The following GMEB2 variants were observed in gnomAD, a reference collection of about 807,000 sequenced individuals.
GMEB2 encodes glucocorticoid modulatory element-binding protein 2.
A neutral mutation model predicts 45.7 loss-of-function variants in GMEB2; 7 were observed. The observed-to-expected ratio is 0.15, with a 90% CI of 0.09 to 0.29. GMEB2 has a LOEUF of 0.29. Among genes scored for constraint, GMEB2 ranks in the 10% least tolerant of loss-of-function variants. The pLI is 1.00. For synonymous variants in GMEB2, 322 were observed against 323.6 expected (o/e 1.00, Z 0.05); for missense variants, 582 against 739.2 (o/e 0.79, Z 2.47).
rs551655648 is a variant in GMEB2, at chr20:63,590,160, C to T, written c.1522G>A (p.Ala508Thr). ...GCCGTGTGCTCCTCAGGCCCGGGGG[C>T]AGCCCCTGCGGGCACTGTCACAATT... The part of the protein sequence containing the change: ...STIVTVPAGA[A>T]PGPEEHTATI... Residue 508 changes from alanine (A) to threonine (T), a missense_variant, in exon 10 of 10, where the codon GCC becomes ACC. By Grantham distance (58) the Ala-to-Thr change is moderately conservative. This residue lies in a region of GMEB2 where 462 missense variants were observed against 586.7 expected (regional missense o/e 0.79). Transcript: ENST00000370077. 17 of 1,582,194 alleles carry T rather than the reference C, an allele frequency of 1.1e-5. No individual in the cohort carries two copies. In the African/African-American group the frequency reaches 1.6e-4, roughly 15 times the overall value.
intron 4 of GMEB2, among the ~76,000 whole-genome samples, chr20:63,600,835 T>C (rs1252225585): frequency 6.6e-6 from 1 of 151,800 alleles, no homozygotes; most frequent in Non-Finnish European, 1.5e-5. Flanking sequence ...TCTCCATGAG[T>C]GTCTGCTGTT....
At chr20:63,622,563 A>G (rs191642545) in intron 1 of GMEB2, among the ~76,000 whole-genome samples, 2 of 152,214 alleles carry the variant, frequency 1.3e-5, no homozygotes, top group East Asian at 1.9e-4. Flanking sequence ...CCTCCATTCC[A>G]CAGGCTGTCT....
At chr20:63,599,174 C>G (rs926555119) in intron 4 of GMEB2, among the ~76,000 whole-genome samples, 1 of 151,894 alleles carries the variant, frequency 6.6e-6, no homozygotes, top group Admixed American at 6.6e-5. Flanking sequence ...AGCGCTAACG[C>G]GGCCCGCTCC....
At chr20:63,623,520 C>T (rs373124470) in intron 1 of GMEB2, among the ~76,000 whole-genome samples, 43 of 152,242 alleles carry the variant, frequency 2.8e-4, no homozygotes, top group Middle Eastern at 3.4e-3. Flanking sequence ...CACTTTAGGC[C>T]GGGCGCGGTG....
intron 4 of GMEB2, among the ~76,000 whole-genome samples, chr20:63,598,225 A>G (rs1315209789): frequency 1.3e-5 from 2 of 152,162 alleles, no homozygotes; most frequent in Non-Finnish European, 2.9e-5. Context: ...TGCATACGTT[A>G]CATCGCAGAT....
At chr20:63,601,159 G>A (rs1473002874) in intron 4 of GMEB2, among the ~76,000 whole-genome samples, 5 of 152,152 alleles carry the variant, frequency 3.3e-5, no homozygotes, top group Non-Finnish European at 5.9e-5. Flanking sequence ...ATGGAGATAG[G>A]TATATAGACT....
In GMEB2 at chr20:63,590,622, G is replaced by T. The variant is rs1337519754; in HGVS notation, c.1060C>A (p.Pro354Thr). 6.3e-7 allele frequency: 1 copy of T among 1,591,356 alleles called. No homozygotes were observed. Among genetic ancestry groups the T allele is most frequent in the Non-Finnish European group, 8.6e-7 (1 of 1,167,410 alleles). Residue 354 changes from proline (P) to threonine (T), a missense_variant, in exon 10 of 10, where the codon CCG becomes ACG. Around this residue, in one of 3 missense-constraint regions of GMEB2, gnomAD observed 462 missense variants for 586.7 expected, o/e 0.79. Coordinates refer to ENST00000370077, the MANE Select transcript of GMEB2 (RefSeq NM_012384.5). Reference protein sequence around the residue: ...LMTLTPVSLPPPVKRPRLARA... With the variant: ...LMTLTPVSLPTPVKRPRLARA... ...GCAAGCCGGGGCCGCTTCACAGGCG[G>T]TGGCAGGGAGACCGGCGTCAGCGTC...
At chr20:63,601,937 G>A (rs948416243) in intron 4 of GMEB2, among the ~76,000 whole-genome samples, 5 of 151,384 alleles carry the variant, frequency 3.3e-5, no homozygotes, top group Non-Finnish European at 5.9e-5. Context: ...TGTGCTGCCT[G>A]TGGCTTCTGT....
rs547782911 is a variant in GMEB2, at chr20:63,597,974, G to A, written c.358-114C>T. ...CAAGGCAGGAAAAGCGCCACGGCAC[G>A]GCTCTGACCGGTGCAGGCCTCCTAC... On this transcript the variant is annotated intron_variant, in intron 4 of 9. Coordinates refer to ENST00000370077, the MANE Select transcript of GMEB2 (RefSeq NM_012384.5). 430 of 701,398 alleles carry A rather than the reference G, an allele frequency of 6.1e-4. 3 individuals are homozygous for A. In the Middle Eastern group the frequency reaches 6.9e-3, roughly 11 times the overall value. The allele number at this position is 701,398 out of a possible 1,614,324, so 43.4% of individuals were successfully genotyped here.
chr20:63,588,431 C>T lies in GMEB2; in HGVS notation c.*1658G>A. 4.6e-6 allele frequency: 1 copy of T among 219,178 alleles called. No homozygotes were observed. Among genetic ancestry groups the T allele is most frequent in the African/African-American group, 2.3e-5 (1 of 44,126 alleles). The allele number at this position is 219,178 out of a possible 1,614,324, so 13.6% of individuals were successfully genotyped here. A position where few individuals can be genotyped will look rare whatever the true frequency, so the allele number is the denominator to read the frequency against. ...CGTAGGGTCATACCGCTGCATGCTG[C>T]AGAACTCAACTAGAGTGGAAATGAG... On this transcript the variant is annotated 3_prime_UTR_variant, in exon 10 of 10. Coordinates refer to ENST00000370077, the MANE Select transcript of GMEB2 (RefSeq NM_012384.5).
intron 2 of GMEB2, among the ~76,000 whole-genome samples, chr20:63,613,699 G>C (rs1344800369): frequency 6.6e-6 from 1 of 152,018 alleles, no homozygotes; most frequent in Non-Finnish European, 1.5e-5. Context: ...ACTTTTAGTA[G>C]AGACGGGGTT....
chr20:63,604,794 CT>C lies in GMEB2; in HGVS notation c.177del (p.Ala60GlnfsTer17). On this transcript the variant is annotated frameshift_variant, in exon 3 of 10. Transcript: ENST00000370077. LOFTEE classifies it high-confidence loss of function. Reference sequence around the variant, plus strand: ...GAGGCTGTGAAGGCCGCGGCAGCTGCTGCCGCTGCATTTTCTGTCTCCATGT... The same window carrying C: ...GAGGCTGTGAAGGCCGCGGCAGCTGCGCCGCTGCATTTTCTGTCTCCATGT... The part of the protein sequence containing the change: ...EDNMETENAA[A>X]AAAAAFTASS... The C allele has an allele frequency of 6.2e-7, 1 of 1,612,840 alleles. No homozygotes were observed. Among genetic ancestry groups the C allele is most frequent in the African/African-American group, 1.3e-5 (1 of 75,048 alleles).
At chr20:63,621,091 G>A (rs900527020) in intron 1 of GMEB2, among the ~76,000 whole-genome samples, 3 of 152,210 alleles carry the variant, frequency 2.0e-5, no homozygotes, top group Admixed American at 6.5e-5. Context: ...TCAGCTACTC[G>A]GAAGGCGGGG....
At chr20:63,591,398 C>T (rs1214167139) in intron 9 of GMEB2, among the ~76,000 whole-genome samples, 7 of 152,184 alleles carry the variant, frequency 4.6e-5, no homozygotes, top group Non-Finnish European at 1.0e-4. Context: ...CCAAGAGGAG[C>T]ATGGAGGAAA....
chr20:63,595,746 T>C lies in GMEB2; in HGVS notation c.483A>G (p.Glu161=), dbSNP rs778018652. 2 of 1,613,970 alleles carry C rather than the reference T, an allele frequency of 1.2e-6. No homozygotes were observed. Among genetic ancestry groups the C allele is most frequent in the African/African-American group, 1.3e-5 (1 of 75,060 alleles). The change falls in exon 6 of 10, where the codon GAA becomes GAG. Residue 161 remains glutamate, a synonymous_variant. Transcript: ENST00000370077. ...CCTTGTCATGCTGGTAGAAGTCCAG[T>C]TCCCCGGAGTCCATGATCTTCCTGT... The part of the protein sequence containing the change: ...IMLRKIMDSG[E]LDFYQHDKVC...
Position 63,593,945 on chromosome 20 carries a change from G to A in GMEB2, c.620-863C>T, listed in dbSNP as rs1189527856. 3.3e-5 allele frequency among the ~76,000 whole-genome samples: 5 copies of A among 152,206 alleles called. No individual in the cohort carries two copies. Among genetic ancestry groups the A allele is most frequent in the East Asian group, 1.9e-4 (1 of 5,198 alleles). Reference sequence around the variant, plus strand: ...TGAGGCAGGAGAATCGCTAGAACCCGGAAGGCAGAGGTTGCAGTGAGCCGA... The same window carrying A: ...TGAGGCAGGAGAATCGCTAGAACCCAGAAGGCAGAGGTTGCAGTGAGCCGA... On this transcript the variant is annotated intron_variant, in intron 6 of 9. Transcript: ENST00000370077. The surrounding 1 kb of genome is among the most constrained non-coding windows in gnomAD (Gnocchi z 4.7).
Position 63,588,266 on chromosome 20 carries a change from C to T in GMEB2, c.*1823G>A, listed in dbSNP as rs145258730. ...CACAACCCACTGGAAGTTCTGTTGA[C>T]GAGGGCTGTCAAGGCAGACGCACTC... On this transcript the variant is annotated 3_prime_UTR_variant, in exon 10 of 10. Coordinates refer to ENST00000370077, the MANE Select transcript of GMEB2 (RefSeq NM_012384.5). 2 of 153,716 alleles carry T rather than the reference C, an allele frequency of 1.3e-5. No individual in the cohort carries two copies. Among genetic ancestry groups the T allele is most frequent in the South Asian group, 2.1e-4 (1 of 4,842 alleles). The allele number at this position is 153,716 out of a possible 1,614,324, so 9.5% of individuals were successfully genotyped here.
intron 2 of GMEB2, among the ~76,000 whole-genome samples, chr20:63,615,528 T>C (rs1213344849): frequency 6.6e-6 from 1 of 152,038 alleles, no homozygotes. Flanking sequence ...GGTTTCACTA[T>C]GTTGCTCGGG....
Position 63,616,882 on chromosome 20 carries a change from C to T in GMEB2, c.131+2385G>A, listed in dbSNP as rs533860923. 2.0e-5 allele frequency among the ~76,000 whole-genome samples: 3 copies of T among 152,294 alleles called. No individual in the cohort carries two copies. The East Asian group carries it at 5.8e-4, about 29-fold the overall frequency. On this transcript the variant is annotated intron_variant, in intron 2 of 9. Transcript: ENST00000370077. Reference sequence around the variant, plus strand: ...ATTCATATGTTGAAGGCCTCATCCCCAGTGTGACTGTATTTAAAGATGGGG... The same window carrying T: ...ATTCATATGTTGAAGGCCTCATCCCTAGTGTGACTGTATTTAAAGATGGGG...
Sources: allele counts gnomAD v4.1 joint callset (sites outside exome capture counted in the v4.1 genomes callset), GRCh38; gene constraint gnomAD v4.1.1; regional missense constraint gnomAD v4.1.1; non-coding constraint Gnocchi (gnomAD v3.1); transcripts MANE v1.5; gene names NCBI Gene and HGNC (gene_info 2026-07-23, HGNC 2026-07-21).